Variants in MEGF9 observed in about 807,000 individuals in gnomAD.
The protein encoded by MEGF9 is multiple epidermal growth factor-like domains protein 9.
A neutral mutation model predicts 46.8 loss-of-function variants in MEGF9; 6 were observed. The ratio of observed to expected loss-of-function variants is 0.13; its 90% CI spans 0.07 to 0.25. MEGF9 has a LOEUF of 0.25. MEGF9 is among the 10% of genes least tolerant of loss of function. MEGF9 has a pLI of 1.00. For missense variants in MEGF9, 683 were observed against 792.4 expected (o/e 0.86, Z 1.66); for synonymous variants, 302 against 330.7 (o/e 0.91, Z 0.94).
chr9:120,668,614 T>G (rs1001497711), intron 1 of MEGF9, among the ~76,000 whole-genome samples: 4 of 152,352 alleles, frequency 2.6e-5, no homozygotes, highest in Non-Finnish European at 5.9e-5. Context: ...AGATAATTCA[T>G]CTAATTAATG....
chr9:120,689,074 A>G (rs949379735), intron 1 of MEGF9, among the ~76,000 whole-genome samples: 3 of 151,730 alleles, frequency 2.0e-5, no homozygotes, highest in African/African-American at 7.3e-5. Flanking sequence ...TTAATGTCTT[A>G]TAGCAGAGAG....
chr9:120,650,577 C>A (rs1376929871), intron 2 of MEGF9, among the ~76,000 whole-genome samples: 1 of 152,164 alleles, frequency 6.6e-6, no homozygotes, highest in Admixed American at 6.5e-5. Context: ...CAAAATCTAC[C>A]CTCACTGGGG....
chr9:120,612,925 CTTT>C (rs58019064), intron 3 of MEGF9, among the ~76,000 whole-genome samples: 313 of 135,150 alleles, frequency 2.3e-3, no homozygotes, highest in Middle Eastern at 3.8e-3. Flanking sequence ...ATGCACAAAT[CTTT>C]TTTTTTTTTT....
intron 1 of MEGF9, among the ~76,000 whole-genome samples, chr9:120,709,506 G>T (rs1376939133): frequency 6.6e-6 from 1 of 152,254 alleles, no homozygotes; most frequent in East Asian, 1.9e-4. Flanking sequence ...TCAGTTGAAG[G>T]AGCTGAAATT....
chr9:120,706,797 C>T (rs988816584), intron 1 of MEGF9, among the ~76,000 whole-genome samples: 13 of 151,918 alleles, frequency 8.6e-5, no homozygotes, highest in African/African-American at 2.2e-4. Context: ...ATTGTGCCAC[C>T]GCACTCCAGC....
chr9:120,659,420 G>T lies in MEGF9; in HGVS notation c.757C>A (p.Pro253Thr). Residue 253 changes from proline (P) to threonine (T), a missense_variant, in exon 2 of 6, where the codon CCA becomes ACA. Physicochemically the swap from Pro to Thr is conservative, Grantham distance 38. Transcript: ENST00000373930. ...GCTCCATGTGGACTACAGTCACATG[G>T]CTGACAGAGCCCAGAAGTGTAATTT... is the stretch of plus-strand genomic sequence containing the variant. ...YLNYTSGLCQPCDCSPHGALS... is the reference protein window; with the variant it reads ...YLNYTSGLCQTCDCSPHGALS... The T allele has an allele frequency of 6.2e-7, 1 of 1,613,838 alleles. No homozygotes were observed.
At chr9:120,677,843 TAGTA>T (rs886782170) in intron 1 of MEGF9, among the ~76,000 whole-genome samples, 1 of 152,320 alleles carries the variant, frequency 6.6e-6, no homozygotes, top group East Asian at 1.9e-4. Context: ...TTTTGCCACT[TAGTA>T]AGAGTTAATT....
chr9:120,670,970 T>C (rs1194019351), intron 1 of MEGF9, among the ~76,000 whole-genome samples: 1 of 152,214 alleles, frequency 6.6e-6, no homozygotes, highest in Non-Finnish European at 1.5e-5. Context: ...ACTGCCTCCT[T>C]TTCTTCACCA....
intron 1 of MEGF9, among the ~76,000 whole-genome samples, chr9:120,685,471 A>G (rs1211974595): frequency 6.6e-6 from 1 of 152,238 alleles, no homozygotes; most frequent in Admixed American, 6.5e-5. Context: ...GAAACAGGCA[A>G]TGTTAGATAA....
At position 120,605,101 on chromosome 9, in the gene MEGF9, G is replaced by T; in HGVS notation, c.*89C>A. 1 of 1,365,964 alleles carries T rather than the reference G, an allele frequency of 7.3e-7. No homozygotes were observed. Among genetic ancestry groups the T allele is most frequent in the Non-Finnish European group, 9.9e-7 (1 of 1,005,184 alleles). 84.6% of individuals were successfully genotyped at this position (1,365,964 alleles called of 1,614,324 possible). On this transcript the variant is annotated 3_prime_UTR_variant, in exon 6 of 6. Coordinates refer to ENST00000373930, the MANE Select transcript of MEGF9 (RefSeq NM_001080497.3). This position sits in a 1 kb window ranked among gnomAD's most constrained non-coding sequence, Gnocchi z 4.0. ...TGCACTATTTGCCTTTGCTTTCTCAGCAAACTCTAGCCAGGCTTTGTCTGG... is the reference window on the plus strand; with the variant it reads ...TGCACTATTTGCCTTTGCTTTCTCATCAAACTCTAGCCAGGCTTTGTCTGG...
chr9:120,661,977 C>T (rs527259913), intron 1 of MEGF9, among the ~76,000 whole-genome samples: 1 of 152,136 alleles, frequency 6.6e-6, no homozygotes, highest in Non-Finnish European at 1.5e-5. Context: ...GTCAGTAGAA[C>T]TAGCTCAAGA....
chr9:120,627,855 G>A (rs1209922823), intron 2 of MEGF9, among the ~76,000 whole-genome samples: 1 of 152,112 alleles, frequency 6.6e-6, no homozygotes, highest in Non-Finnish European at 1.5e-5. Context: ...TACACATGTT[G>A]ACACTCTGAC....
At chr9:120,679,274 C>G (rs565569785) in intron 1 of MEGF9, among the ~76,000 whole-genome samples, 27 of 152,290 alleles carry the variant, frequency 1.8e-4, no homozygotes, top group Non-Finnish European at 3.7e-4. Flanking sequence ...CACATATACA[C>G]CATGGAATAC....
At chr9:120,701,843 G>A (rs2043906529) in intron 1 of MEGF9, among the ~76,000 whole-genome samples, 1 of 152,130 alleles carries the variant, frequency 6.6e-6, no homozygotes, top group Non-Finnish European at 1.5e-5. Flanking sequence ...AGGAGATCGA[G>A]ACCATCCTGG....
At chr9:120,662,482 A>AGC (rs2043706921) in intron 1 of MEGF9, among the ~76,000 whole-genome samples, 3 of 152,246 alleles carry the variant, frequency 2.0e-5, no homozygotes, top group Non-Finnish European at 4.4e-5. Context: ...TAAAGCAAAG[A>AGC]GTTATGAAGT....
intron 2 of MEGF9, among the ~76,000 whole-genome samples, chr9:120,645,488 C>T (rs930048680): frequency 2.6e-5 from 4 of 152,148 alleles, no homozygotes; most frequent in Non-Finnish European, 4.4e-5. Flanking sequence ...CCAACAATTC[C>T]AGGTAGCAGT....
Position 120,605,827 on chromosome 9 carries a change from G to C in MEGF9, c.1358-186C>G, listed in dbSNP as rs1324116649. ...TGATAAGGGTAAGAATCAGGGTCTA[G>C]AAAGCTAGATTATTACATCTATGGC... is the stretch of plus-strand genomic sequence containing the variant. On this transcript the variant is annotated intron_variant, in intron 5 of 5. Transcript: ENST00000373930. This position sits in a 1 kb window ranked among gnomAD's most constrained non-coding sequence, Gnocchi z 4.0. 6.6e-6 allele frequency among the ~76,000 whole-genome samples: 1 copy of C among 152,162 alleles called. No homozygotes were observed. Among genetic ancestry groups the C allele is most frequent in the Admixed American group, 6.5e-5 (1 of 15,274 alleles).
chr9:120,669,771 C>T (rs78903910), intron 1 of MEGF9, among the ~76,000 whole-genome samples: 3,606 of 152,098 alleles, frequency 0.024, 153 homozygotes, highest in African/African-American at 0.083. Flanking sequence ...GTGACAGTAT[C>T]AGAATAGGAT....
In MEGF9 at chr9:120,610,770, G is replaced by T. The variant is rs142864929; in HGVS notation, c.1087+1626C>A. Among the ~76,000 whole-genome samples, 314 of 152,100 alleles carry T rather than the reference G, an allele frequency of 2.1e-3. 1 individual carries two copies. The highest frequency in any genetic ancestry group is 7.2e-3 in the African/African-American group (297 of 41,514). ...GGTATAGAAAAGTCTTCATGAAGCA[G>T]GTAACATTTGAATTGGGCCTTGCTA... On this transcript the variant is annotated intron_variant, in intron 4 of 5. Transcript: ENST00000373930.
Sources: gnomAD v4.1 joint callset for allele counts (sites outside exome capture counted in the v4.1 genomes callset) on GRCh38, gnomAD v4.1.1 for gene constraint, Gnocchi (gnomAD v3.1) non-coding constraint, MANE v1.5 for transcripts, NCBI Gene and HGNC (gene_info 2026-07-23, HGNC 2026-07-21) for gene names.